Variants in CNOT10 observed in about 807,000 individuals in gnomAD.
The protein encoded by CNOT10 is CCR4-NOT transcription complex, subunit 10.
A neutral mutation model predicts 94.6 loss-of-function variants in CNOT10; 30 were observed. The ratio of observed to expected loss-of-function variants is 0.32; its 90% CI spans 0.24 to 0.43. CNOT10 has a LOEUF of 0.43. CNOT10 is among the 20% of genes least tolerant of loss of function. The pLI is 1.00. For synonymous variants in CNOT10, 289 were observed against 301.6 expected (o/e 0.96, Z 0.43); for missense variants, 759 against 877.2 (o/e 0.87, Z 1.70).
intron 1 of CNOT10, chr3:32,695,633 C>G (rs1300811508): frequency 6.5e-7 from 1 of 1,535,768 alleles, no homozygotes; most frequent in East Asian, 2.4e-5. Flanking sequence ...GAAATGAAGT[C>G]TATTGGTGTA....
In CNOT10 at chr3:32,720,121, C is replaced by G; in HGVS notation, c.752C>G (p.Pro251Arg). 1 of 1,506,794 alleles carries G rather than the reference C, an allele frequency of 6.6e-7. No individual in the cohort carries two copies. Among genetic ancestry groups the G allele is most frequent in the Non-Finnish European group, 9.1e-7 (1 of 1,101,958 alleles). The allele number at this position is 1,506,794 out of a possible 1,614,324, so 93.3% of individuals were successfully genotyped here. Residue 251 changes from proline (P) to arginine (R), a missense_variant, in exon 8 of 19, where the codon CCC (proline) becomes CGC (arginine). Coordinates refer to ENST00000328834, the MANE Select transcript of CNOT10 (RefSeq NM_015442.3). ...SVMNTAGNSAPSLFLKSNFEY... is the reference protein window; with the variant it reads ...SVMNTAGNSARSLFLKSNFEY... ...TTTATATTTTCTCTACAGTCCGCAC[C>G]CTCTCTCTTTCTTAAAAGCAATTTT...
intron 8 of CNOT10, 47 bp from the exon 9 acceptor site, chr3:32,725,403 C>G (rs1365801838): frequency 1.3e-6 from 2 of 1,505,370 alleles, no homozygotes; most frequent in Non-Finnish European, 1.8e-6. Flanking sequence ...TGAGGGACAT[C>G]AACATTAAAA....
intron 13 of CNOT10, among the ~76,000 whole-genome samples, chr3:32,748,028 G>T (rs1295430943): frequency 1.3e-5 from 2 of 152,148 alleles, no homozygotes; most frequent in African/African-American, 4.8e-5. Context: ...TGTAGAGCCA[G>T]GGTCCCACTG....
chr3:32,735,913 C>T (rs1699166264), intron 12 of CNOT10, among the ~76,000 whole-genome samples: 1 of 151,958 alleles, frequency 6.6e-6, no homozygotes, highest in African/African-American at 2.4e-5. Flanking sequence ...CTAGTCTGGG[C>T]AGCATAGCAA....
At chr3:32,703,795 A>G (rs1697482820) in intron 1 of CNOT10, 73 bp from the exon 2 acceptor site, 14 of 1,009,178 alleles carry the variant, frequency 1.4e-5, no homozygotes, top group Non-Finnish European at 2.0e-5. Context: ...AACTGCAGAA[A>G]GTGAAACTGG....
chr3:32,733,670 T>G lies in CNOT10; in HGVS notation c.1337+126T>G, dbSNP rs896891948. 3.0e-5 allele frequency: 18 copies of G among 597,416 alleles called. No homozygotes were observed. In the African/African-American group the frequency reaches 3.1e-4, roughly 10 times the overall value. The allele number at this position is 597,416 out of a possible 1,614,324, so 37.0% of individuals were successfully genotyped here. On this transcript the variant is annotated intron_variant, in intron 11 of 18. Transcript: ENST00000328834. ...GGAACCACTTTGTAACTAGATTTTA[T>G]TGCTATTTCAACAAACAGACCCTCA...
intron 5 of CNOT10, among the ~76,000 whole-genome samples, chr3:32,714,232 T>C (rs142749720): frequency 1.3e-5 from 2 of 152,250 alleles, no homozygotes; most frequent in Non-Finnish European, 2.9e-5. Flanking sequence ...AGTGGTATCT[T>C]GTTACAGTTT....
chr3:32,752,742 G>A (rs1316917945), intron 13 of CNOT10, among the ~76,000 whole-genome samples: 2 of 152,180 alleles, frequency 1.3e-5, no homozygotes, highest in Non-Finnish European at 2.9e-5. Flanking sequence ...TTGGGAGGCC[G>A]AGGTGGGCGG....
At chr3:32,746,562 T>C (rs1699708352) in intron 13 of CNOT10, among the ~76,000 whole-genome samples, 1 of 151,846 alleles carries the variant, frequency 6.6e-6, no homozygotes, top group Non-Finnish European at 1.5e-5. Flanking sequence ...TCCTGCCGGG[T>C]GCAGTGGCTC....
chr3:32,759,228 GA>G (rs1700341634), intron 13 of CNOT10, among the ~76,000 whole-genome samples: 1 of 151,944 alleles, frequency 6.6e-6, no homozygotes, highest in African/African-American at 2.4e-5. Flanking sequence ...TTTTGTTGGG[GA>G]TGTGGGTCAA....
At chr3:32,722,762 T>A (rs1559492750) in intron 8 of CNOT10, among the ~76,000 whole-genome samples, 1 of 151,550 alleles carries the variant, frequency 6.6e-6, no homozygotes, top group Non-Finnish European at 1.5e-5. Flanking sequence ...GGCCGACGGA[T>A]CACTTGAGGT....
intron 1 of CNOT10, among the ~76,000 whole-genome samples, chr3:32,689,745 G>C (rs113919379): frequency 0.019 from 2,949 of 152,222 alleles, 45 homozygotes; most frequent in East Asian, 0.047. Flanking sequence ...CTTGAGGCCA[G>C]GAGTTCAAGA....
intron 3 of CNOT10, 57 bp downstream of exon 3, chr3:32,705,029 AAC>A (rs1280382650): frequency 8.6e-7 from 1 of 1,162,382 alleles, no homozygotes; most frequent in South Asian, 1.9e-5. Context: ...TAATTTATGA[AAC>A]ACAAATAGTT....
At chr3:32,716,521 A>G (rs1196060744) in intron 6 of CNOT10, among the ~76,000 whole-genome samples, 1 of 152,234 alleles carries the variant, frequency 6.6e-6, no homozygotes, top group Non-Finnish European at 1.5e-5. Context: ...TGCTCTATAA[A>G]TAAAGTTTGA....
chr3:32,688,224 T>C (rs968198429), intron 1 of CNOT10, among the ~76,000 whole-genome samples: 2 of 152,210 alleles, frequency 1.3e-5, no homozygotes, highest in African/African-American at 4.8e-5. Flanking sequence ...ACAAAGTCTC[T>C]GTTCTGGAGC....
At chr3:32,714,722 C>T (rs1232346724) in intron 5 of CNOT10, among the ~76,000 whole-genome samples, 1 of 152,066 alleles carries the variant, frequency 6.6e-6, no homozygotes, top group African/African-American at 2.4e-5. Context: ...AATAAAAAAG[C>T]ATACATTTAT....
intron 13 of CNOT10, among the ~76,000 whole-genome samples, 162 bp downstream of exon 13, chr3:32,737,652 G>A (rs561593373): frequency 2.8e-4 from 42 of 152,060 alleles, no homozygotes; most frequent in Non-Finnish European, 5.4e-4. Flanking sequence ...GTGAAACCCT[G>A]TCTGTACTAA....
intron 18 of CNOT10, among the ~76,000 whole-genome samples, chr3:32,772,067 T>C (rs1309165199): frequency 1.3e-5 from 2 of 151,984 alleles, no homozygotes; most frequent in Non-Finnish European, 2.9e-5. Flanking sequence ...GGGACAGAAA[T>C]AGGCCAGGTG....
intron 13 of CNOT10, among the ~76,000 whole-genome samples, chr3:32,742,535 C>T (rs1296171418): frequency 6.6e-6 from 1 of 152,172 alleles, no homozygotes; most frequent in Non-Finnish European, 1.5e-5. Context: ...GCATGTGCCA[C>T]CACACCCGGC....
Sources: allele counts gnomAD v4.1 joint callset (sites outside exome capture counted in the v4.1 genomes callset), GRCh38; gene constraint gnomAD v4.1.1; transcripts MANE v1.5; gene names NCBI Gene and HGNC (gene_info 2026-07-23, HGNC 2026-07-21).